The following IQGAP2 variants were observed in gnomAD, a reference collection of about 807,000 sequenced individuals.
The protein encoded by IQGAP2 is ras GTPase-activating-like protein IQGAP2.
IQGAP2 carries 173 observed loss-of-function variants against 201.3 expected under a neutral mutation model. The ratio of observed to expected loss-of-function variants is 0.86; its 90% CI spans 0.76 to 0.98. The LOEUF (loss-of-function observed/expected upper bound fraction) is 0.98, where lower values mean the gene tolerates loss of function less well. Among genes scored for constraint, IQGAP2 ranks in the 50% least tolerant of loss-of-function variants. The probability of loss-of-function intolerance (pLI) is 0.00; values close to 1 mark genes in which losing one functional copy is unlikely to be tolerated. For missense variants in IQGAP2, 1,687 were observed against 1,864.8 expected, an observed-to-expected ratio of 0.90 and a Z score of 1.76; for synonymous variants, 675 against 673.9, an observed-to-expected ratio of 1.00 and a Z score of -0.03.
rs1202668583 is a variant in IQGAP2, at chr5:76,496,731, T to G, written c.146+35062T>G. ...TTCTTTCTTTCTTTCTTTCTTTTCT[T>G]TCTTTCTTTCTTTCTTTCTTTCTTT... On this transcript the variant is annotated intron_variant, in intron 2 of 35. Transcript: ENST00000274364. Among the ~76,000 whole-genome samples the G allele has an allele frequency of 5.8e-5, 2 of 34,540 alleles. 1 individual carries two copies. The allele number at this position is 34,540 out of a possible 152,430, so 22.7% of individuals were successfully genotyped here.
chr5:76,408,876 T>C (rs1351928258), intron 1 of IQGAP2, among the ~76,000 whole-genome samples: 1 of 152,072 alleles, frequency 6.6e-6, no homozygotes, highest in East Asian at 1.9e-4. Context: ...CACTGCAACC[T>C]CCACCTCCTG....
intron 1 of IQGAP2, among the ~76,000 whole-genome samples, chr5:76,430,330 C>T (rs964436679): frequency 6.6e-6 from 1 of 152,188 alleles, no homozygotes; most frequent in East Asian, 1.9e-4. Context: ...GGGCTGGAAT[C>T]ATCTGGAAGC....
At chr5:76,438,053 T>TTATTATGTCCTTTTC (rs1752820283) in intron 1 of IQGAP2, among the ~76,000 whole-genome samples, 2 of 151,132 alleles carry the variant, frequency 1.3e-5, no homozygotes, top group Non-Finnish European at 2.9e-5. Context: ...TTTTGTTTTT[T>TTATTATGTCCTTTTC]TATTATGTCC....
At chr5:76,423,576 G>A (rs748278060) in intron 1 of IQGAP2, among the ~76,000 whole-genome samples, 15 of 152,186 alleles carry the variant, frequency 9.9e-5, no homozygotes, top group Admixed American at 1.3e-4. Flanking sequence ...AGCTGAGATC[G>A]TGCCACTGCA....
At chr5:76,414,838 C>T (rs999073570) in intron 1 of IQGAP2, among the ~76,000 whole-genome samples, 3 of 152,302 alleles carry the variant, frequency 2.0e-5, no homozygotes, top group African/African-American at 7.2e-5. Flanking sequence ...GAGGATTGTG[C>T]TTGCTTATTC....
chr5:76,562,703 C>A, intron 3 of IQGAP2, 151 bp downstream of exon 3: 1 of 660,086 alleles, frequency 1.5e-6, no homozygotes, highest in Non-Finnish European at 2.5e-6. Context: ...CCTGAGGCAG[C>A]AGCAGTTTTA....
intron 33 of IQGAP2, among the ~76,000 whole-genome samples, chr5:76,699,121 C>T (rs377496959): frequency 1.3e-5 from 2 of 152,108 alleles, no homozygotes; most frequent in South Asian, 2.1e-4. Flanking sequence ...ATCATCTCCC[C>T]GTTTCCCCCA....
intron 2 of IQGAP2, among the ~76,000 whole-genome samples, chr5:76,543,399 G>A (rs1332566582): frequency 6.6e-6 from 1 of 152,206 alleles, no homozygotes; most frequent in African/African-American, 2.4e-5. Flanking sequence ...GCTTGATGAT[G>A]GTTGGAGGGA....
intron 2 of IQGAP2, among the ~76,000 whole-genome samples, chr5:76,463,348 C>A (rs1754596410): frequency 6.6e-6 from 1 of 152,048 alleles, no homozygotes; most frequent in Non-Finnish European, 1.5e-5. Flanking sequence ...GTCCCAGCTC[C>A]ACCACTTACA....
intron 5 of IQGAP2, among the ~76,000 whole-genome samples, chr5:76,579,428 A>C (rs1745689326): frequency 7.0e-6 from 1 of 143,424 alleles, no homozygotes; most frequent in Non-Finnish European, 1.5e-5. Context: ...ATCAGGCTAA[A>C]CTTTCTTTGT....
chr5:76,592,870 T>A lies in IQGAP2; in HGVS notation c.852T>A (p.Ala284=). ...GTATTTCAGAAGAAGAAAGAGATGC[T>A]TATGAAGAACTGCTGACACAAGCAG... ...NSCISEEERD[A]YEELLTQAEI... The change falls in exon 9 of 36, where the codon GCT becomes GCA. Residue 284 remains alanine (A), a synonymous_variant. Transcript: ENST00000274364. 1.2e-6 allele frequency: 2 copies of A among 1,612,518 alleles called. No individual in the cohort carries two copies. The highest frequency in any genetic ancestry group is 1.7e-6 in the Non-Finnish European group (2 of 1,178,598).
Position 76,674,531 on chromosome 5 carries a change from G to T in IQGAP2, c.3349G>T (p.Asp1117Tyr). The change falls in exon 27 of 36, where the codon GAT (aspartate) becomes TAT (tyrosine). Residue 1117 changes from aspartate to tyrosine, a missense_variant. Physicochemically the swap from Asp to Tyr is radical, Grantham distance 160. Coordinates refer to ENST00000274364, the MANE Select transcript of IQGAP2 (RefSeq NM_006633.5). ...RYMNPAIVAP[D>Y]GFDIIDMTAG... Reference sequence around the variant, plus strand: ...CATGAATCCAGCCATTGTAGCTCCAGATGGCTTTGATATCATCGACATGAC... The same window carrying T: ...CATGAATCCAGCCATTGTAGCTCCATATGGCTTTGATATCATCGACATGAC... The T allele has an allele frequency of 6.2e-7, 1 of 1,614,032 alleles. No homozygotes were observed. The highest frequency in any genetic ancestry group is 8.5e-7 in the Non-Finnish European group (1 of 1,179,924).
intron 32 of IQGAP2, 74 bp downstream of exon 32, chr5:76,695,740 C>A: frequency 8.6e-7 from 1 of 1,167,580 alleles, no homozygotes; most frequent in East Asian, 2.5e-5. Flanking sequence ...GCTGGGCACT[C>A]TGTGAGGTGG....
chr5:76,536,677 C>T (rs1045157825), intron 2 of IQGAP2, among the ~76,000 whole-genome samples: 3 of 151,486 alleles, frequency 2.0e-5, no homozygotes, highest in African/African-American at 7.3e-5. Flanking sequence ...GGAGAATCAC[C>T]TGAACCCAGA....
intron 2 of IQGAP2, among the ~76,000 whole-genome samples, chr5:76,539,934 T>C (rs1445318677): frequency 2.0e-5 from 3 of 152,124 alleles, no homozygotes; most frequent in Admixed American, 6.5e-5. Flanking sequence ...AGTAGCAGAG[T>C]GAGGGCAGGA....
intron 2 of IQGAP2, among the ~76,000 whole-genome samples, chr5:76,519,621 G>A (rs1297049036): frequency 6.6e-6 from 1 of 152,202 alleles, no homozygotes; most frequent in African/African-American, 2.4e-5. Flanking sequence ...CCATTTTCCA[G>A]GATGGCCGTG....
At chr5:76,523,470 G>T (rs1022708585) in intron 2 of IQGAP2, among the ~76,000 whole-genome samples, 5 of 152,062 alleles carry the variant, frequency 3.3e-5, no homozygotes, top group Middle Eastern at 3.2e-3. Flanking sequence ...TTGCTACCTG[G>T]GTTGAAACAG....
At chr5:76,491,066 A>G (rs1470200633) in intron 2 of IQGAP2, among the ~76,000 whole-genome samples, 1 of 151,458 alleles carries the variant, frequency 6.6e-6, no homozygotes, top group Non-Finnish European at 1.5e-5. Flanking sequence ...TTACATAGTA[A>G]TAAATGTGTC....
chr5:76,591,999 C>T (rs760083018), intron 8 of IQGAP2, among the ~76,000 whole-genome samples: 32 of 152,156 alleles, frequency 2.1e-4, no homozygotes, highest in South Asian at 6.2e-4. Context: ...TTGAATCTGT[C>T]GCCAACCTTC....
Sources: gnomAD v4.1 joint callset for allele counts (sites outside exome capture counted in the v4.1 genomes callset) on GRCh38, gnomAD v4.1.1 for gene constraint, MANE v1.5 for transcripts, NCBI Gene and HGNC (gene_info 2026-07-23, HGNC 2026-07-21) for gene names.